Variants in NKAIN2 observed in about 807,000 individuals in gnomAD.
NKAIN2 encodes the protein sodium/potassium transporting ATPase interacting 2.
A neutral mutation model predicts 32.6 loss-of-function variants in NKAIN2; 14 were observed. The observed-to-expected ratio is 0.43, with a 90% CI of 0.28 to 0.67. NKAIN2 has a LOEUF of 0.67. Ranked by LOEUF, NKAIN2 falls within the 30% of genes least tolerant of loss-of-function variation. NKAIN2 has a pLI of 0.17. For synonymous variants in NKAIN2, 80 were observed against 87.2 expected (o/e 0.92, Z 0.46); for missense variants, 198 against 258.3 (o/e 0.77, Z 1.60).
intron 1 of NKAIN2, among the ~76,000 whole-genome samples, chr6:124,006,826 T>C (rs1780098230): frequency 6.6e-6 from 1 of 152,128 alleles, no homozygotes; most frequent in African/African-American, 2.4e-5. Flanking sequence ...AGAAGAAAGG[T>C]CTATTATCAG....
intron 1 of NKAIN2, among the ~76,000 whole-genome samples, chr6:124,057,534 T>C (rs902733366): frequency 3.9e-5 from 6 of 151,940 alleles, no homozygotes; most frequent in Admixed American, 3.9e-4. Flanking sequence ...AATTTGTTCA[T>C]AGGATTTTGC....
At chr6:124,684,848 C>T (rs565576162) in intron 4 of NKAIN2, among the ~76,000 whole-genome samples, 1 of 152,254 alleles carries the variant, frequency 6.6e-6, no homozygotes, top group Admixed American at 6.5e-5. Flanking sequence ...TACCTAACAT[C>T]CAGCCCCAGG....
At chr6:124,773,100 T>C (rs1448333962) in intron 4 of NKAIN2, among the ~76,000 whole-genome samples, 1 of 152,208 alleles carries the variant, frequency 6.6e-6, no homozygotes, top group African/African-American at 2.4e-5. Flanking sequence ...GTGTTGGAAC[T>C]TGGCCAAGCC....
chr6:124,397,657 T>G (rs1773443213), intron 3 of NKAIN2, among the ~76,000 whole-genome samples: 1 of 152,146 alleles, frequency 6.6e-6, no homozygotes, highest in Non-Finnish European at 1.5e-5. Flanking sequence ...AAAAAAACTG[T>G]TTAAATTGTA....
intron 1 of NKAIN2, among the ~76,000 whole-genome samples, chr6:123,853,142 C>CT (rs922357531): frequency 2.6e-5 from 4 of 152,164 alleles, no homozygotes; most frequent in South Asian, 2.1e-4. Flanking sequence ...GAGCAAGAAT[C>CT]TTTTTTTGGA....
At chr6:124,542,872 C>G (rs1004574334) in intron 3 of NKAIN2, among the ~76,000 whole-genome samples, 1 of 151,900 alleles carries the variant, frequency 6.6e-6, no homozygotes, top group African/African-American at 2.4e-5. Flanking sequence ...CATAACATTT[C>G]GAACATTAAA....
At chr6:124,263,688 C>T (rs1794354390) in intron 1 of NKAIN2, among the ~76,000 whole-genome samples, 1 of 149,440 alleles carries the variant, frequency 6.7e-6, no homozygotes, top group South Asian at 2.1e-4. Context: ...ACCGTATCAT[C>T]TATGCTACTA....
intron 4 of NKAIN2, among the ~76,000 whole-genome samples, chr6:124,770,140 C>T (rs149096255): frequency 1.3e-5 from 2 of 152,238 alleles, no homozygotes; most frequent in African/African-American, 4.8e-5. Flanking sequence ...AAAAGGAAAA[C>T]ATTAACAAAC....
chr6:124,711,914 G>A (rs1775489888), intron 4 of NKAIN2, among the ~76,000 whole-genome samples: 1 of 152,142 alleles, frequency 6.6e-6, no homozygotes, highest in Middle Eastern at 3.4e-3. Flanking sequence ...AGAGTTTCCA[G>A]TTTTTCTGTT....
At chr6:123,923,145 A>C (rs75587502) in intron 1 of NKAIN2, among the ~76,000 whole-genome samples, 4 of 151,212 alleles carry the variant, frequency 2.6e-5, no homozygotes, top group Non-Finnish European at 5.9e-5. Context: ...AAAAAAAGAC[A>C]AAAAAAACCC....
chr6:124,747,945 CACAA>C (rs1435528396), intron 4 of NKAIN2, among the ~76,000 whole-genome samples: 8 of 151,802 alleles, frequency 5.3e-5, no homozygotes, highest in African/African-American at 1.9e-4. Context: ...AATAGTGCTT[CACAA>C]ACAATTTTTT....
intron 4 of NKAIN2, among the ~76,000 whole-genome samples, chr6:124,691,245 C>G (rs1365864466): frequency 4.6e-5 from 7 of 152,120 alleles, no homozygotes; most frequent in Non-Finnish European, 1.0e-4. Flanking sequence ...AAAATCACCT[C>G]TCTATCCCCA....
At chr6:124,711,228 G>C (rs551238299) in intron 4 of NKAIN2, among the ~76,000 whole-genome samples, 3 of 113,602 alleles carry the variant, frequency 2.6e-5, no homozygotes, top group Non-Finnish European at 5.4e-5. Flanking sequence ...TTCCCTTTGA[G>C]GGTAACCCGA....
intron 1 of NKAIN2, among the ~76,000 whole-genome samples, chr6:124,045,805 G>T (rs1402451337): frequency 1.3e-5 from 2 of 151,846 alleles, no homozygotes; most frequent in African/African-American, 2.4e-5. Context: ...ATCAATCTCT[G>T]GCCCTTTCAG....
At chr6:124,647,458 C>T (rs1784215865) in intron 3 of NKAIN2, among the ~76,000 whole-genome samples, 1 of 133,882 alleles carries the variant, frequency 7.5e-6, no homozygotes, top group Non-Finnish European at 1.5e-5. Context: ...AAGATTGTGC[C>T]ACTGCACTCC....
intron 4 of NKAIN2, among the ~76,000 whole-genome samples, chr6:124,757,636 GT>G (rs144787468): frequency 0.15 from 23,085 of 152,048 alleles, 2,203 homozygotes; most frequent in Non-Finnish European, 0.21. Flanking sequence ...TATGTGTTAT[GT>G]TTTCCAAAGC....
intron 3 of NKAIN2, among the ~76,000 whole-genome samples, chr6:124,479,825 T>C (rs1400326660): frequency 6.6e-6 from 1 of 152,068 alleles, no homozygotes; most frequent in Non-Finnish European, 1.5e-5. Context: ...TGCACAGTTA[T>C]TAAAAACAAA....
chr6:124,260,565 A>G (rs1356054322), intron 1 of NKAIN2, among the ~76,000 whole-genome samples: 1 of 152,098 alleles, frequency 6.6e-6, no homozygotes, highest in African/African-American at 2.4e-5. Flanking sequence ...GACCTAGTGG[A>G]GGGAATTGCA....
intron 4 of NKAIN2, among the ~76,000 whole-genome samples, chr6:124,674,299 G>C (rs938433241): frequency 6.6e-6 from 1 of 151,866 alleles, no homozygotes; most frequent in Non-Finnish European, 1.5e-5. Flanking sequence ...GACGTGTGAG[G>C]CTTCTGCTTT....
Sources: gnomAD v4.1 joint callset for allele counts (sites outside exome capture counted in the v4.1 genomes callset) on GRCh38, gnomAD v4.1.1 for gene constraint, MANE v1.5 for transcripts, NCBI Gene and HGNC (gene_info 2026-07-23, HGNC 2026-07-21) for gene names.